The following RSRC1 variants were observed in gnomAD, a reference collection of about 807,000 sequenced individuals.
RSRC1 encodes the protein serine/Arginine-related protein 53.
A neutral mutation model predicts 49.1 loss-of-function variants in RSRC1; 39 were observed. The observed-to-expected ratio is 0.79, with a 90% CI of 0.61 to 1.04. The LOEUF is 1.04. Among genes scored for constraint, RSRC1 ranks in the 50% least tolerant of loss-of-function variants. RSRC1 has a pLI of 0.00. For synonymous variants in RSRC1, 143 were observed against 130.8 expected, an observed-to-expected ratio of 1.09 and a Z score of -0.63; for missense variants, 388 against 402.4, an observed-to-expected ratio of 0.96 and a Z score of 0.31.
At chr3:158,536,197 A>G (rs186147809) in intron 7 of RSRC1, among the ~76,000 whole-genome samples, 9 of 151,636 alleles carry the variant, frequency 5.9e-5, no homozygotes, top group Admixed American at 5.9e-4. Flanking sequence ...ACCAAAAGAA[A>G]TTGAACCTTA....
intron 7 of RSRC1, among the ~76,000 whole-genome samples, chr3:158,516,405 G>T (rs1279173821): frequency 6.6e-6 from 1 of 152,162 alleles, no homozygotes; most frequent in Admixed American, 6.5e-5. Context: ...CAGTTAGGCT[G>T]CTCGGGGGTC....
chr3:158,452,487 A>G (rs1168972402), intron 6 of RSRC1, among the ~76,000 whole-genome samples: 1 of 152,194 alleles, frequency 6.6e-6, no homozygotes, highest in African/African-American at 2.4e-5. Flanking sequence ...CACATATGTG[A>G]AATGATAGGA....
rs535744637 is a variant in RSRC1, at chr3:158,520,996, A to G, written c.653-16096A>G. ...TAGTTACAGATACTACAAACTGGTA[A>G]ACATACCTAAGAGGTTTGCAGATTT... On this transcript the variant is annotated intron_variant, in intron 7 of 9. Transcript: ENST00000611884. 2.6e-5 allele frequency among the ~76,000 whole-genome samples: 4 copies of G among 152,228 alleles called. No individual in the cohort carries two copies. The East Asian group carries it at 7.7e-4, about 29-fold the overall frequency.
At chr3:158,173,278 T>C (rs1485159712) in intron 3 of RSRC1, among the ~76,000 whole-genome samples, 1 of 151,978 alleles carries the variant, frequency 6.6e-6, no homozygotes, top group East Asian at 1.9e-4. Context: ...CATTTGCTCA[T>C]AACTCAATTT....
intron 4 of RSRC1, among the ~76,000 whole-genome samples, chr3:158,269,045 C>T (rs780517612): frequency 1.1e-4 from 17 of 152,048 alleles, no homozygotes; most frequent in Admixed American, 3.3e-4. Flanking sequence ...AAGTAGGCAG[C>T]AAATAAAGGA....
intron 4 of RSRC1, among the ~76,000 whole-genome samples, chr3:158,207,662 TAGAC>T (rs145209495): frequency 9.4e-5 from 14 of 149,056 alleles, no homozygotes; most frequent in Admixed American, 8.5e-4. Flanking sequence ...GATAGATAGA[TAGAC>T]AGAGAGACAG....
chr3:158,138,695 A>G (rs1716555371), intron 3 of RSRC1, among the ~76,000 whole-genome samples: 1 of 152,166 alleles, frequency 6.6e-6, no homozygotes, highest in Non-Finnish European at 1.5e-5. Context: ...TCATTGTGTT[A>G]TAACAAACTA....
intron 4 of RSRC1, among the ~76,000 whole-genome samples, chr3:158,205,889 G>A (rs1057052660): frequency 3.9e-5 from 6 of 152,118 alleles, no homozygotes; most frequent in African/African-American, 1.4e-4. Flanking sequence ...GGCCACATTC[G>A]AAGCTGTCCT....
At chr3:158,483,585 T>A (rs2108438919) in intron 7 of RSRC1, among the ~76,000 whole-genome samples, 1 of 152,188 alleles carries the variant, frequency 6.6e-6, no homozygotes, top group East Asian at 1.9e-4. Context: ...GATGCTTACT[T>A]GAAAACTTTC....
intron 5 of RSRC1, among the ~76,000 whole-genome samples, chr3:158,326,764 C>T (rs1234020886): frequency 4.6e-5 from 7 of 152,240 alleles, no homozygotes; most frequent in Admixed American, 3.3e-4. Context: ...AGGGAGGATT[C>T]CCTCTTTTTC....
chr3:158,258,346 TTTG>T (rs914033825), intron 4 of RSRC1, among the ~76,000 whole-genome samples: 4 of 151,706 alleles, frequency 2.6e-5, no homozygotes, highest in African/African-American at 7.3e-5. Flanking sequence ...AAGTTTTTTT[TTTG>T]TTGTTGTTGT....
intron 3 of RSRC1, among the ~76,000 whole-genome samples, chr3:158,155,948 C>T (rs144739180): frequency 3.5e-4 from 53 of 152,246 alleles, no homozygotes; most frequent in East Asian, 1.4e-3. Flanking sequence ...CTTTTAAAGT[C>T]GCCAGGTGGG....
intron 6 of RSRC1, among the ~76,000 whole-genome samples, chr3:158,432,565 G>A (rs1048122408): frequency 2.0e-5 from 3 of 151,900 alleles, no homozygotes. Context: ...GCTATCTGCA[G>A]TCTCTTCCTC....
At chr3:158,472,492 CAACAA>C (rs1228200112) in intron 7 of RSRC1, among the ~76,000 whole-genome samples, 2 of 152,150 alleles carry the variant, frequency 1.3e-5, no homozygotes, top group African/African-American at 4.8e-5. Context: ...ATTGCATCTT[CAACAA>C]AACAAAACAA....
At chr3:158,472,471 T>G (rs1334344825) in intron 7 of RSRC1, among the ~76,000 whole-genome samples, 1 of 152,150 alleles carries the variant, frequency 6.6e-6, no homozygotes, top group Non-Finnish European at 1.5e-5. Flanking sequence ...TCCAAATTTT[T>G]TTCTGATCCT....
intron 3 of RSRC1, among the ~76,000 whole-genome samples, chr3:158,143,136 G>A (rs1716857213): frequency 6.6e-6 from 1 of 152,126 alleles, no homozygotes; most frequent in Admixed American, 6.5e-5. Flanking sequence ...TCAGGTATAT[G>A]CTAGACCAGT....
intron 4 of RSRC1, among the ~76,000 whole-genome samples, chr3:158,288,523 C>G (rs1726712165): frequency 6.6e-6 from 1 of 152,068 alleles, no homozygotes; most frequent in Non-Finnish European, 1.5e-5. Flanking sequence ...GTGGGAAGTA[C>G]CAGATAGGTA....
chr3:158,270,591 AG>A (rs1179478077), intron 4 of RSRC1, among the ~76,000 whole-genome samples: 1 of 152,204 alleles, frequency 6.6e-6, no homozygotes. Flanking sequence ...TTTGGTACTA[AG>A]GGTTTAAAAT....
Position 158,495,905 on chromosome 3 carries a change from G to A in RSRC1, c.652+34902G>A, listed in dbSNP as rs1037116482. 5.9e-5 allele frequency among the ~76,000 whole-genome samples: 9 copies of A among 152,140 alleles called. 1 individual carries two copies. In the East Asian group the frequency reaches 7.7e-4, roughly 13 times the overall value. ...CCCTTTACGGCAAAAGTTTGCTGACGCCTGGCTTAAATAAGAAAGTAATTC... is the reference window on the plus strand; with the variant it reads ...CCCTTTACGGCAAAAGTTTGCTGACACCTGGCTTAAATAAGAAAGTAATTC... On this transcript the variant is annotated intron_variant, in intron 7 of 9. Transcript: ENST00000611884.
Sources: gnomAD v4.1 joint callset for allele counts (sites outside exome capture counted in the v4.1 genomes callset) on GRCh38, gnomAD v4.1.1 for gene constraint, MANE v1.5 for transcripts, NCBI Gene and HGNC (gene_info 2026-07-23, HGNC 2026-07-21) for gene names.